Variants in CDH12 observed in about 807,000 individuals in gnomAD.
CDH12 encodes cadherin 12.
In CDH12, 41 loss-of-function variants were observed where a neutral mutation model predicts 74.1. The observed-to-expected ratio is 0.55, with a 90% CI of 0.43 to 0.72. The LOEUF (loss-of-function observed/expected upper bound fraction) is 0.72, where lower values mean the gene tolerates loss of function less well. CDH12 is among the 30% of genes least tolerant of loss of function. The probability of loss-of-function intolerance (pLI) is 0.00; values close to 1 mark genes in which losing one functional copy is unlikely to be tolerated. For missense variants in CDH12, 945 were observed against 977.2 expected (o/e 0.97, Z 0.44); for synonymous variants, 399 against 355.0 (o/e 1.12, Z -1.39).
intron 1 of CDH12, among the ~76,000 whole-genome samples, chr5:22,739,985 G>A (rs1024236114): frequency 6.6e-6 from 1 of 151,990 alleles, no homozygotes; most frequent in Non-Finnish European, 1.5e-5. Flanking sequence ...CTTGCTCAAG[G>A]ACTAATGTAT....
chr5:22,819,933 G>A (rs1402337607), intron 1 of CDH12, among the ~76,000 whole-genome samples: 1 of 145,572 alleles, frequency 6.9e-6, no homozygotes, highest in South Asian at 2.1e-4. Flanking sequence ...ATATAGATGT[G>A]TGTGTATGTA....
chr5:22,816,460 C>A (rs927214308), intron 1 of CDH12, among the ~76,000 whole-genome samples: 7 of 152,086 alleles, frequency 4.6e-5, no homozygotes, highest in Admixed American at 4.6e-4. Flanking sequence ...ACTGAAAAGG[C>A]AAATGGGAAT....
At chr5:21,752,882 T>C (rs1342931977) in intron 14 of CDH12, among the ~76,000 whole-genome samples, 1 of 152,168 alleles carries the variant, frequency 6.6e-6, no homozygotes, top group Non-Finnish European at 1.5e-5. Flanking sequence ...AACTAAAGCA[T>C]TAATTTCAAT....
chr5:22,747,730 A>C (rs541143432), intron 1 of CDH12, among the ~76,000 whole-genome samples: 1 of 152,194 alleles, frequency 6.6e-6, no homozygotes, highest in Non-Finnish European at 1.5e-5. Flanking sequence ...AGCATTAAAA[A>C]TATGTGATTC....
chr5:21,851,235 A>G (rs189881062), intron 7 of CDH12, among the ~76,000 whole-genome samples: 116 of 151,300 alleles, frequency 7.7e-4, no homozygotes, highest in African/African-American at 2.6e-3. Flanking sequence ...ATTTAGGGAA[A>G]ATTTAAATAC....
chr5:22,210,764 C>A (rs1316415021), intron 4 of CDH12, among the ~76,000 whole-genome samples: 1 of 151,550 alleles, frequency 6.6e-6, no homozygotes, highest in African/African-American at 2.4e-5. Context: ...CAGCGACATG[C>A]AAGTTCGCTA....
chr5:22,734,733 C>T (rs773282010), intron 1 of CDH12, among the ~76,000 whole-genome samples: 3 of 151,852 alleles, frequency 2.0e-5, no homozygotes, highest in African/African-American at 7.3e-5. Flanking sequence ...ACCCATGCAC[C>T]GGTCTTGAGA....
intron 11 of CDH12, among the ~76,000 whole-genome samples, chr5:21,777,233 G>A (rs1007403227): frequency 6.6e-6 from 1 of 152,012 alleles, no homozygotes; most frequent in Non-Finnish European, 1.5e-5. Flanking sequence ...TTGAGATCCT[G>A]GTAATTCACA....
chr5:22,652,814 TAA>T lies in CDH12; in HGVS notation c.-522-147452_-522-147451del, dbSNP rs1321629935. ...AAAGGATTTCAAGGGAGTTAGATAG[TAA>T]AAGATGATCATCTGCAAAGAAACAG... On this transcript the variant is annotated intron_variant, in intron 1 of 14. Transcript: ENST00000382254. Among the ~76,000 whole-genome samples, 4 of 152,222 alleles carry T rather than the reference TAA, an allele frequency of 2.6e-5. No individual in the cohort carries two copies. The East Asian group carries it at 7.7e-4, about 29-fold the overall frequency.
chr5:22,344,695 A>G (rs564023795), intron 3 of CDH12, among the ~76,000 whole-genome samples: 66 of 152,290 alleles, frequency 4.3e-4, no homozygotes, highest in Admixed American at 1.4e-3. Flanking sequence ...CTTCATTTAA[A>G]AAATAATTAA....
chr5:21,968,561 G>A (rs994540355), intron 6 of CDH12, among the ~76,000 whole-genome samples: 10 of 152,176 alleles, frequency 6.6e-5, no homozygotes, highest in Non-Finnish European at 1.0e-4. Context: ...ATTCACAGGC[G>A]TTGAATATAA....
chr5:22,571,336 T>C (rs1377587064), intron 1 of CDH12, among the ~76,000 whole-genome samples: 4 of 152,196 alleles, frequency 2.6e-5, no homozygotes, highest in Admixed American at 2.6e-4. Flanking sequence ...CTTTTCTTTT[T>C]TTTTTTGGAA....
At chr5:22,389,950 C>T (rs1293233640) in intron 3 of CDH12, among the ~76,000 whole-genome samples, 1 of 151,496 alleles carries the variant, frequency 6.6e-6, no homozygotes, top group Non-Finnish European at 1.5e-5. Context: ...GCCTGGCCGA[C>T]AATTGATTTT....
rs140318925 is a variant in CDH12, at chr5:21,854,275, T to G, written c.646+396A>C. On this transcript the variant is annotated intron_variant, in intron 7 of 14. Coordinates refer to ENST00000382254, the MANE Select transcript of CDH12 (RefSeq NM_004061.5). ...CAAGCATTAATAACCCTTATATATA[T>G]AGCAATAGAAGCTCCAGGATGTTAC... Among the ~76,000 whole-genome samples the G allele has an allele frequency of 4.1e-4, 62 of 151,800 alleles. No individual in the cohort carries two copies. In the East Asian group the frequency reaches 0.012, roughly 29 times the overall value.
chr5:22,080,118 T>C (rs1284164685), intron 4 of CDH12, among the ~76,000 whole-genome samples: 1 of 152,132 alleles, frequency 6.6e-6, no homozygotes, highest in African/African-American at 2.4e-5. Flanking sequence ...CCGAAAACGT[T>C]GGAAGCCAGA....
chr5:22,000,701 A>G (rs1269139925), intron 5 of CDH12, among the ~76,000 whole-genome samples: 1 of 152,176 alleles, frequency 6.6e-6, no homozygotes, highest in Non-Finnish European at 1.5e-5. Flanking sequence ...AGAATTAAAG[A>G]TTATTACATT....
intron 3 of CDH12, among the ~76,000 whole-genome samples, chr5:22,299,272 T>G (rs551396434): frequency 6.6e-6 from 1 of 151,878 alleles, no homozygotes; most frequent in African/African-American, 2.4e-5. Context: ...GAGAGAGAGA[T>G]AGCAGGAGTG....
At chr5:22,447,177 TTAAG>T (rs1468644823) in intron 2 of CDH12, among the ~76,000 whole-genome samples, 1 of 152,136 alleles carries the variant, frequency 6.6e-6, no homozygotes, top group Non-Finnish European at 1.5e-5. Context: ...GATTTGCCTA[TTAAG>T]TTTCTCATGT....
chr5:22,611,505 G>A lies in CDH12; in HGVS notation c.-522-106141C>T, dbSNP rs866137054. ...CTAAGTTTGAGAAGTTTAACAAAGG[G>A]AAAGGTTTAGGGAAACCAGCAGGAA... On this transcript the variant is annotated intron_variant, in intron 1 of 14. Coordinates refer to ENST00000382254, the MANE Select transcript of CDH12 (RefSeq NM_004061.5). Among the ~76,000 whole-genome samples, 14 of 152,180 alleles carry A rather than the reference G, an allele frequency of 9.2e-5. No individual in the cohort carries two copies. The South Asian group carries it at 2.5e-3, about 27-fold the overall frequency.
Sources: allele counts gnomAD v4.1 joint callset (sites outside exome capture counted in the v4.1 genomes callset), GRCh38; gene constraint gnomAD v4.1.1; transcripts MANE v1.5; gene names NCBI Gene and HGNC (gene_info 2026-07-23, HGNC 2026-07-21).